FOCAD: variants seen among roughly 807,000 people sequenced by gnomAD.
The protein encoded by FOCAD is KIAA1797.
Under a neutral mutation model 225.6 loss-of-function variants are expected in FOCAD, and 198 were observed. The ratio of observed to expected loss-of-function variants is 0.88; its 90% CI spans 0.78 to 0.99. The LOEUF (loss-of-function observed/expected upper bound fraction) is 0.99, where lower values mean the gene tolerates loss of function less well. FOCAD is among the 50% of genes least tolerant of loss of function. FOCAD has a pLI of 0.00. For synonymous variants in FOCAD, 897 were observed against 755.0 expected, an observed-to-expected ratio of 1.19 and a Z score of -3.08; for missense variants, 2,713 against 2,123.6, an observed-to-expected ratio of 1.28 and a Z score of -5.46.
At chr9:20,816,157 T>A (rs1319091905) in intron 11 of FOCAD, among the ~76,000 whole-genome samples, 1 of 152,022 alleles carries the variant, frequency 6.6e-6, no homozygotes, top group Non-Finnish European at 1.5e-5. Flanking sequence ...CTCTTAGACA[T>A]AAATACAGTA....
intron 6 of FOCAD, among the ~76,000 whole-genome samples, chr9:20,761,010 C>G (rs984125755): frequency 6.6e-6 from 1 of 150,580 alleles, no homozygotes; most frequent in Non-Finnish European, 1.5e-5. Flanking sequence ...TATCTTCATG[C>G]TAGATTTTTT....
intron 35 of FOCAD, among the ~76,000 whole-genome samples, chr9:20,974,907 A>G (rs1027501670): frequency 6.8e-6 from 1 of 147,666 alleles, no homozygotes; most frequent in Non-Finnish European, 1.5e-5. Context: ...ACTTTTTCTG[A>G]TGATTTTGCC....
rs376154121 is a variant in FOCAD, at chr9:20,974,529, G to C, written c.4133-1891G>C. Among the ~76,000 whole-genome samples the C allele has an allele frequency of 4.2e-3, 300 of 71,354 alleles. 7 individuals carry two copies. Among genetic ancestry groups the C allele is most frequent in the African/African-American group, 0.013 (201 of 15,616 alleles). The allele number at this position is 71,354 out of a possible 152,430, so 46.8% of individuals were successfully genotyped here. A position where few individuals can be genotyped will look rare whatever the true frequency, so the allele number is the denominator to read the frequency against. ...TCTGCTTCTCCTTTTTCCTATGTTT[G>C]TCCTTTCTGTAGCTGTTTTTTTCCT... On this transcript the variant is annotated intron_variant, in intron 35 of 43. Transcript: ENST00000338382.
At chr9:20,990,550 G>C (rs146087878) in intron 42 of FOCAD, among the ~76,000 whole-genome samples, 176 bp downstream of exon 42, 4 of 152,316 alleles carry the variant, frequency 2.6e-5, no homozygotes, top group Middle Eastern at 3.4e-3. Flanking sequence ...GCCCAGGCTC[G>C]GGGCAACTGC....
chr9:20,771,767 TAAAC>T (rs1336677974), intron 8 of FOCAD, among the ~76,000 whole-genome samples: 1 of 152,112 alleles, frequency 6.6e-6, no homozygotes, highest in East Asian at 1.9e-4. Flanking sequence ...AATACATAAA[TAAAC>T]AAATAAAATT....
intron 2 of FOCAD, among the ~76,000 whole-genome samples, chr9:20,663,179 G>A (rs1248652744): frequency 6.6e-6 from 1 of 151,936 alleles, no homozygotes; most frequent in African/African-American, 2.4e-5. Flanking sequence ...TTAAAGTTAG[G>A]AGTTTGAGAC....
intron 37 of FOCAD, 70 bp downstream of exon 37, chr9:20,978,524 G>T: frequency 9.3e-7 from 1 of 1,070,550 alleles, no homozygotes; most frequent in Non-Finnish European, 1.3e-6. Context: ...ACATTCATTT[G>T]GGTGTGTGTT....
chr9:20,789,341 T>C lies in FOCAD; in HGVS notation c.1198-10T>C, dbSNP rs757743239. On this transcript the variant is annotated splice_polypyrimidine_tract_variant and intron_variant, in intron 10 of 43. Transcript: ENST00000338382. The stretch of plus-strand genomic sequence containing the variant: ...CACTTATTTATGCCTCTCTTGTCTT[T>C]ATTTTTCAGCTCTCCTACAAGCTTG... 6.2e-7 allele frequency: 1 copy of C among 1,605,978 alleles called. No homozygotes were observed. Among genetic ancestry groups the C allele is most frequent in the South Asian group, 1.1e-5 (1 of 90,902 alleles).
chr9:20,721,783 C>G (rs1004740356), intron 4 of FOCAD, among the ~76,000 whole-genome samples: 1 of 151,998 alleles, frequency 6.6e-6, no homozygotes, highest in Non-Finnish European at 1.5e-5. Flanking sequence ...TTTAACCTTT[C>G]TTTATAAATC....
At chr9:20,917,310 T>TTA (rs1345509412) in intron 24 of FOCAD, among the ~76,000 whole-genome samples, 1 of 152,158 alleles carries the variant, frequency 6.6e-6, no homozygotes, top group African/African-American at 2.4e-5. Flanking sequence ...TTGGTAGTAC[T>TTA]TCCTTTTGTT....
intron 15 of FOCAD, among the ~76,000 whole-genome samples, chr9:20,846,105 A>G (rs543905780): frequency 1.3e-5 from 2 of 152,208 alleles, no homozygotes; most frequent in Non-Finnish European, 2.9e-5. Flanking sequence ...CAGGGATTCC[A>G]GGCTAGAGTA....
chr9:20,983,124 A>G (rs192686239), intron 39 of FOCAD, among the ~76,000 whole-genome samples: 2 of 152,200 alleles, frequency 1.3e-5, no homozygotes, highest in Non-Finnish European at 2.9e-5. Context: ...CATAAGTAGC[A>G]TCAGCATCGC....
chr9:20,764,289 C>T (rs1829866714), intron 6 of FOCAD, among the ~76,000 whole-genome samples: 1 of 152,148 alleles, frequency 6.6e-6, no homozygotes, highest in South Asian at 2.1e-4. Flanking sequence ...GAGTCTCGCT[C>T]TGTTGCCAGG....
chr9:20,658,773 T>A (rs1821607583), exon 2 of FOCAD: 1 of 157,932 alleles, frequency 6.3e-6, no homozygotes. Context: ...AGACCGGAGC[T>A]GTTCCTATTC....
intron 11 of FOCAD, among the ~76,000 whole-genome samples, chr9:20,793,679 A>G (rs1820774217): frequency 6.6e-6 from 1 of 152,200 alleles, no homozygotes; most frequent in Non-Finnish European, 1.5e-5. Context: ...CATTCAGAAC[A>G]GTGGAGTCTA....
chr9:20,982,590 T>C, intron 39 of FOCAD, 144 bp downstream of exon 39: 2 of 657,854 alleles, frequency 3.0e-6, no homozygotes, highest in Non-Finnish European at 5.3e-6. Context: ...ATTTACATTG[T>C]TGAGCCTCTT....
At position 20,946,709 on chromosome 9, in the gene FOCAD, C is replaced by G. The variant is rs755792687; in HGVS notation, c.3564C>G (p.Ala1188=). 1 of 1,611,978 alleles carries G rather than the reference C, an allele frequency of 6.2e-7. No individual in the cohort carries two copies. The highest frequency in any genetic ancestry group is 8.5e-7 in the Non-Finnish European group (1 of 1,179,110). The change falls in exon 30 of 44, where the codon GCC becomes GCG. Residue 1188 remains alanine (A), a synonymous_variant. Transcript: ENST00000338382. ...SQSRTFQEVL[A]YTLSCVCTSA... ...CTGTATTTTCTTCTCAGGTCCTTGC[C>G]TACACACTTAGCTGTGTATGTACAT...
chr9:20,847,822 T>C (rs558760807), intron 15 of FOCAD, among the ~76,000 whole-genome samples: 20 of 152,200 alleles, frequency 1.3e-4, no homozygotes, highest in Admixed American at 5.9e-4. Context: ...CCAAATGTCT[T>C]TAAAAGAGAA....
chr9:20,737,266 G>A (rs1042395248), intron 4 of FOCAD, among the ~76,000 whole-genome samples: 4 of 152,132 alleles, frequency 2.6e-5, no homozygotes, highest in Non-Finnish European at 5.9e-5. Context: ...TTTTCTCTTG[G>A]ATTCCACTGC....
Sources: gnomAD v4.1 joint callset for allele counts (sites outside exome capture counted in the v4.1 genomes callset) on GRCh38, gnomAD v4.1.1 for gene constraint, MANE v1.5 for transcripts, NCBI Gene and HGNC (gene_info 2026-07-23, HGNC 2026-07-21) for gene names.